NAALADL2: variants seen among roughly 807,000 people sequenced by gnomAD.
NAALADL2 encodes the protein inactive N-acetylated-alpha-linked acidic dipeptidase-like protein 2.
In NAALADL2, 76 loss-of-function variants were observed where a neutral mutation model predicts 87.2. The observed-to-expected ratio is 0.87, with a 90% CI of 0.72 to 1.05. The LOEUF (loss-of-function observed/expected upper bound fraction) is 1.05. Among genes scored for constraint, NAALADL2 ranks in the 50% least tolerant of loss-of-function variants. The pLI is 0.00. For missense variants in NAALADL2, 1,089 were observed against 945.8 expected, an observed-to-expected ratio of 1.15 and a Z score of -1.99; for synonymous variants, 354 against 331.0, an observed-to-expected ratio of 1.07 and a Z score of -0.75.
At chr3:175,358,715 C>G (rs898921039) in intron 5 of NAALADL2, among the ~76,000 whole-genome samples, 14 of 152,184 alleles carry the variant, frequency 9.2e-5, no homozygotes, top group African/African-American at 3.4e-4. Context: ...TAGTTCATGA[C>G]AAGACAACAT....
At chr3:174,966,631 A>G (rs1211375335) in intron 1 of NAALADL2, among the ~76,000 whole-genome samples, 2 of 152,192 alleles carry the variant, frequency 1.3e-5, no homozygotes, top group African/African-American at 4.8e-5. Context: ...AGAGAATAGG[A>G]AAGGAAGAAA....
chr3:175,436,554 G>A (rs932529312), intron 5 of NAALADL2, among the ~76,000 whole-genome samples: 1 of 147,072 alleles, frequency 6.8e-6, no homozygotes, highest in Non-Finnish European at 1.5e-5. Context: ...TAACTGGTGT[G>A]AGATGGTATC....
chr3:175,168,162 T>TTA (rs1553797434), intron 2 of NAALADL2, among the ~76,000 whole-genome samples: 2 of 151,602 alleles, frequency 1.3e-5, no homozygotes, highest in Non-Finnish European at 2.9e-5. Flanking sequence ...TAAGTTACAT[T>TTA]AAAAAATATT....
In NAALADL2 at chr3:175,139,876, T is replaced by C. The variant is rs1276750498; in HGVS notation, c.545+42585T>C. Reference sequence around the variant, plus strand: ...ACTCTAACAAAGGGGTACCAACTGATAAAAATTTTGACAACTTATCATTCA... The same window carrying C: ...ACTCTAACAAAGGGGTACCAACTGACAAAAATTTTGACAACTTATCATTCA... On this transcript the variant is annotated intron_variant, in intron 2 of 13. Coordinates refer to ENST00000454872, the MANE Select transcript of NAALADL2 (RefSeq NM_207015.3). Among the ~76,000 whole-genome samples the C allele has an allele frequency of 3.9e-5, 6 of 152,266 alleles. No individual in the cohort carries two copies. The East Asian group carries it at 1.2e-3, about 29-fold the overall frequency.
intron 10 of NAALADL2, among the ~76,000 whole-genome samples, chr3:175,590,084 C>A (rs140318921): frequency 0.014 from 2,174 of 151,868 alleles, 55 homozygotes; most frequent in African/African-American, 0.049. Flanking sequence ...TGGTGGCGGG[C>A]GACTGTAATC....
chr3:174,898,585 C>T (rs1313568223), intron 1 of NAALADL2, among the ~76,000 whole-genome samples: 1 of 151,742 alleles, frequency 6.6e-6, no homozygotes, highest in Non-Finnish European at 1.5e-5. Context: ...TTTCCAATTG[C>T]GTGCTTGTGT....
chr3:174,929,701 TG>T (rs1403860614), intron 1 of NAALADL2, among the ~76,000 whole-genome samples: 2 of 152,104 alleles, frequency 1.3e-5, no homozygotes, highest in Non-Finnish European at 2.9e-5. Flanking sequence ...TGTATAGGAG[TG>T]GAATTATTGT....
chr3:174,872,885 G>A (rs577302810), intron 1 of NAALADL2, among the ~76,000 whole-genome samples: 1 of 152,264 alleles, frequency 6.6e-6, no homozygotes, highest in African/African-American at 2.4e-5. Context: ...GGATAACTCA[G>A]TGGCCTTTAT....
At chr3:174,671,596 G>T (rs1436148331) in intron 2 of NAALADL2, among the ~76,000 whole-genome samples, 2 of 152,004 alleles carry the variant, frequency 1.3e-5, no homozygotes, top group African/African-American at 4.8e-5. Context: ...TGAATTTGAA[G>T]ACTTATGAAA....
At chr3:175,514,884 A>G (rs1389086456) in intron 9 of NAALADL2, among the ~76,000 whole-genome samples, 1 of 152,200 alleles carries the variant, frequency 6.6e-6, no homozygotes, top group Non-Finnish European at 1.5e-5. Context: ...TTTTCTAAGC[A>G]GATTCTGCCT....
At chr3:175,348,694 T>A (rs552863611) in intron 5 of NAALADL2, among the ~76,000 whole-genome samples, 1 of 152,158 alleles carries the variant, frequency 6.6e-6, no homozygotes, top group African/African-American at 2.4e-5. Context: ...CTATGGTTTT[T>A]CTTTAAGGAT....
intron 1 of NAALADL2, chr3:174,523,653 A>C (rs1720470638): frequency 6.6e-6 from 1 of 152,204 alleles, no homozygotes; most frequent in East Asian, 1.9e-4. Flanking sequence ...ATGAATAGAA[A>C]ACAGTTGAAA....
At chr3:175,172,420 A>G (rs1734979278) in intron 2 of NAALADL2, among the ~76,000 whole-genome samples, 1 of 152,188 alleles carries the variant, frequency 6.6e-6, no homozygotes, top group Non-Finnish European at 1.5e-5. Context: ...TTCCTGGTTA[A>G]GTAACAACTT....
chr3:175,313,465 A>G (rs938012332), intron 4 of NAALADL2, among the ~76,000 whole-genome samples: 1 of 152,226 alleles, frequency 6.6e-6, no homozygotes, highest in Non-Finnish European at 1.5e-5. Context: ...GATGGAAATA[A>G]TACAAGCTTT....
At chr3:174,923,641 T>A (rs183027245) in intron 1 of NAALADL2, among the ~76,000 whole-genome samples, 1 of 152,314 alleles carries the variant, frequency 6.6e-6, no homozygotes, top group East Asian at 1.9e-4. Flanking sequence ...TTCATGTAGT[T>A]TTCTTACCAC....
At chr3:175,117,100 CA>C (rs1346477601) in intron 2 of NAALADL2, among the ~76,000 whole-genome samples, 1 of 152,014 alleles carries the variant, frequency 6.6e-6, no homozygotes, top group African/African-American at 2.4e-5. Flanking sequence ...ACACCTTGTA[CA>C]AAAATTAATT....
intron 9 of NAALADL2, among the ~76,000 whole-genome samples, chr3:175,534,543 C>T (rs1248046170): frequency 6.6e-6 from 1 of 152,092 alleles, no homozygotes. Context: ...AAAAGGAGCA[C>T]ACAATCAGTC....
chr3:174,957,496 T>G (rs2108538662), intron 1 of NAALADL2, among the ~76,000 whole-genome samples: 1 of 152,198 alleles, frequency 6.6e-6, no homozygotes, highest in South Asian at 2.1e-4. Flanking sequence ...AAAGAGCTGG[T>G]TATACAATTC....
chr3:175,734,417 C>G (rs185777607), intron 11 of NAALADL2, among the ~76,000 whole-genome samples: 1 of 151,580 alleles, frequency 6.6e-6, no homozygotes, highest in South Asian at 2.1e-4. Context: ...ATTAGCTGGG[C>G]GTGGTGGTGG....
Sources: allele counts gnomAD v4.1 joint callset (sites outside exome capture counted in the v4.1 genomes callset), GRCh38; gene constraint gnomAD v4.1.1; transcripts MANE v1.5; gene names NCBI Gene and HGNC (gene_info 2026-07-23, HGNC 2026-07-21).